The following OTOGL variants were observed in gnomAD, a reference collection of about 807,000 sequenced individuals.
OTOGL encodes the protein otogelin like, also known as otogelin-like protein.
A neutral mutation model predicts 318.5 loss-of-function variants in OTOGL; 285 were observed. The observed-to-expected ratio is 0.89, with a 90% CI of 0.81 to 0.99. The LOEUF (loss-of-function observed/expected upper bound fraction) is 0.99, where lower values mean the gene tolerates loss of function less well. OTOGL is among the 50% of genes least tolerant of loss of function. OTOGL has a pLI of 0.00. For missense variants in OTOGL, 2,899 were observed against 2,845.6 expected (o/e 1.02, Z -0.43); for synonymous variants, 987 against 936.5 (o/e 1.05, Z -0.99).
intron 30 of OTOGL, 142 bp from the exon 31 acceptor site, chr12:80,313,334 G>A (rs1224246359): frequency 2.9e-6 from 2 of 695,986 alleles, no homozygotes; most frequent in African/African-American, 3.6e-5. Flanking sequence ...CAATAAAGAG[G>A]CTTTAAATAA....
intron 27 of OTOGL, among the ~76,000 whole-genome samples, chr12:80,298,810 G>A (rs749786718): frequency 3.9e-5 from 6 of 152,134 alleles, no homozygotes; most frequent in Non-Finnish European, 8.8e-5. Flanking sequence ...GGGAGCATGG[G>A]GTAAAGGCAA....
rs543277715 is a variant in OTOGL at position 80,270,036 on chromosome 12, A to G, written c.2466-66A>G. Reference sequence around the variant, plus strand: ...ATTCTTGTACGTTAGATTGTTGTCGAAATTCAGGGAAAAAAAAAAAAACAA... The same window carrying G: ...ATTCTTGTACGTTAGATTGTTGTCGGAATTCAGGGAAAAAAAAAAAAACAA... On this transcript the variant is annotated intron_variant, in intron 22 of 58. Transcript: ENST00000547103. 4 of 1,164,760 alleles carry G rather than the reference A, an allele frequency of 3.4e-6. No homozygotes were observed. In the South Asian group the frequency reaches 5.7e-5, roughly 17 times the overall value. The allele number at this position is 1,164,760 out of a possible 1,614,324, so 72.2% of individuals were successfully genotyped here. A position where few individuals can be genotyped will look rare whatever the true frequency, so the allele number is the denominator to read the frequency against.
At chr12:80,172,695 T>G (rs1874286978) in intron 1 of OTOGL, among the ~76,000 whole-genome samples, 1 of 152,162 alleles carries the variant, frequency 6.6e-6, no homozygotes, top group Admixed American at 6.6e-5. Flanking sequence ...CATGGAATAC[T>G]TTGCAGCCAT....
chr12:80,294,678 AC>A (rs1455273125), intron 26 of OTOGL, among the ~76,000 whole-genome samples: 1 of 152,214 alleles, frequency 6.6e-6, no homozygotes, highest in Non-Finnish European at 1.5e-5. Flanking sequence ...TATCCTCTAG[AC>A]ACTATAATAC....
intron 11 of OTOGL, among the ~76,000 whole-genome samples, chr12:80,244,136 T>C (rs953963296): frequency 1.4e-4 from 21 of 151,190 alleles, no homozygotes; most frequent in African/African-American, 4.6e-4. Context: ...TAAGAAGCTA[T>C]GGAAGAAGGA....
At chr12:80,270,680 G>T (rs1268041208) in intron 23 of OTOGL, among the ~76,000 whole-genome samples, 1 of 152,040 alleles carries the variant, frequency 6.6e-6, no homozygotes, top group Non-Finnish European at 1.5e-5. Flanking sequence ...GCATGGCTCT[G>T]GGACTAGTAG....
chr12:80,149,295 C>G (rs1281508129), intron 1 of OTOGL, among the ~76,000 whole-genome samples: 1 of 151,048 alleles, frequency 6.6e-6, no homozygotes, highest in Non-Finnish European at 1.5e-5. Context: ...AGCTGCAGGT[C>G]TGTTGGAGTA....
rs1475227560 is a variant in OTOGL, at chr12:80,188,051, C to T, written c.-19-21362C>T. 2.0e-5 allele frequency among the ~76,000 whole-genome samples: 3 copies of T among 152,120 alleles called. No individual in the cohort carries two copies. In the East Asian group the frequency reaches 5.8e-4, roughly 29 times the overall value. On this transcript the variant is annotated intron_variant, in intron 1 of 58. Coordinates refer to ENST00000547103, the MANE Select transcript of OTOGL (RefSeq NM_001378609.3). Reference sequence around the variant, plus strand: ...GACACAGGATGCAGCTTGAAATATTCACTTGGGGAGAGGGTTGAGATTTCT... The same window carrying T: ...GACACAGGATGCAGCTTGAAATATTTACTTGGGGAGAGGGTTGAGATTTCT...
intron 26 of OTOGL, among the ~76,000 whole-genome samples, chr12:80,295,352 T>G (rs1885320505): frequency 6.6e-6 from 1 of 151,994 alleles, no homozygotes; most frequent in African/African-American, 2.4e-5. Flanking sequence ...AATTTTTGCA[T>G]TTTTAGTAGA....
chr12:80,320,462 C>T lies in OTOGL; in HGVS notation c.3843C>T (p.Asn1281=), dbSNP rs777280979. ...LVSLESAERP[N]YFLYVHDNDT... Reference sequence around the variant, plus strand: ...CCTTGGAATCTGCTGAAAGGCCAAACTACTTTCTCTATGTCCATGACAATG... The same window carrying T: ...CCTTGGAATCTGCTGAAAGGCCAAATTACTTTCTCTATGTCCATGACAATG... Residue 1281 remains asparagine (N), a synonymous_variant, in exon 34 of 59, where the codon AAC becomes AAT. Coordinates refer to ENST00000547103, the MANE Select transcript of OTOGL (RefSeq NM_001378609.3). 1.2e-6 allele frequency: 2 copies of T among 1,613,382 alleles called. No homozygotes were observed. Among genetic ancestry groups the T allele is most frequent in the Admixed American group, 3.3e-5 (2 of 59,948 alleles).
At chr12:80,306,078 A>T (rs1364722419) in intron 29 of OTOGL, among the ~76,000 whole-genome samples, 1 of 152,216 alleles carries the variant, frequency 6.6e-6, no homozygotes, top group Non-Finnish European at 1.5e-5. Context: ...CAAAGCAATA[A>T]ATAAATGAAG....
intron 1 of OTOGL, among the ~76,000 whole-genome samples, chr12:80,126,013 G>C (rs910181413): frequency 1.3e-5 from 2 of 151,992 alleles, no homozygotes; most frequent in African/African-American, 4.8e-5. Flanking sequence ...TTGATTTTTT[G>C]AAGGGTTTTT....
chr12:80,226,637 C>T (rs1172422798), intron 7 of OTOGL, among the ~76,000 whole-genome samples: 1 of 152,098 alleles, frequency 6.6e-6, no homozygotes, highest in Non-Finnish European at 1.5e-5. Flanking sequence ...ATTCTTCTCT[C>T]TCACCAGTTT....
chr12:80,162,621 G>A (rs192357188), intron 1 of OTOGL, among the ~76,000 whole-genome samples: 96 of 152,042 alleles, frequency 6.3e-4, no homozygotes, highest in African/African-American at 1.9e-3. Flanking sequence ...GTAGATGGCC[G>A]TCATCTCCCC....
At chr12:80,105,539 T>C (rs561830692) in intron 1 of OTOGL, among the ~76,000 whole-genome samples, 54 of 152,370 alleles carry the variant, frequency 3.5e-4, no homozygotes, top group Non-Finnish European at 6.8e-4. Flanking sequence ...TCTTGGGCAG[T>C]ATCTAAATTG....
chr12:80,207,540 C>G (rs954801321), intron 1 of OTOGL, among the ~76,000 whole-genome samples: 1 of 151,962 alleles, frequency 6.6e-6, no homozygotes, highest in Non-Finnish European at 1.5e-5. Context: ...AGCAAAAAGT[C>G]AAACAGTTAC....
At chr12:80,303,488 C>G (rs966720739) in intron 28 of OTOGL, among the ~76,000 whole-genome samples, 2 of 152,172 alleles carry the variant, frequency 1.3e-5, no homozygotes, top group African/African-American at 4.8e-5. Flanking sequence ...AAATGTTACT[C>G]TTATTGTGTC....
chr12:80,347,301 C>T (rs1239674243), intron 44 of OTOGL, among the ~76,000 whole-genome samples: 2 of 151,976 alleles, frequency 1.3e-5, no homozygotes, highest in South Asian at 2.1e-4. Flanking sequence ...TCCCCTAGTC[C>T]CCCACCCCCC....
chr12:80,178,989 T>A (rs1874727807), intron 1 of OTOGL, among the ~76,000 whole-genome samples: 2 of 152,162 alleles, frequency 1.3e-5, no homozygotes, highest in Non-Finnish European at 2.9e-5. Context: ...TTGTGGTTTA[T>A]TACTGACACA....
Sources: allele counts gnomAD v4.1 joint callset (sites outside exome capture counted in the v4.1 genomes callset), GRCh38; gene constraint gnomAD v4.1.1; transcripts MANE v1.5; gene names NCBI Gene and HGNC (gene_info 2026-07-23, HGNC 2026-07-21).